Variants in EYS observed in about 807,000 individuals in gnomAD.
EYS encodes EGF-like photoreceptor maintenance factor.
EYS carries 250 observed loss-of-function variants against 282.1 expected under a neutral mutation model. That is an observed-to-expected ratio of 0.89 (90% CI 0.80 to 0.98). EYS has a LOEUF of 0.98. Ranked by LOEUF, EYS falls within the 50% of genes least tolerant of loss-of-function variation. The pLI, the probability that EYS is intolerant of heterozygous loss-of-function variation, is 0.00. For missense variants in EYS, 4,016 were observed against 3,709.0 expected (o/e 1.08, Z -2.15); for synonymous variants, 1,355 against 1,282.9 (o/e 1.06, Z -1.20).
intron 29 of EYS, among the ~76,000 whole-genome samples, chr6:64,387,253 A>G (rs1025787810): frequency 2.6e-5 from 4 of 152,108 alleles, no homozygotes; most frequent in African/African-American, 9.7e-5. Flanking sequence ...TCTTTCTTCA[A>G]ATTTCTAATT....
intron 34 of EYS, among the ~76,000 whole-genome samples, chr6:63,990,778 C>G (rs1767569332): frequency 6.6e-6 from 1 of 151,470 alleles, no homozygotes; most frequent in Non-Finnish European, 1.5e-5. Context: ...GCTGATGGGA[C>G]CTGGCTTACT....
At chr6:64,244,358 T>C (rs571579132) in intron 30 of EYS, among the ~76,000 whole-genome samples, 46 of 152,324 alleles carry the variant, frequency 3.0e-4, no homozygotes, top group Middle Eastern at 3.4e-3. Flanking sequence ...ATTGATTCTG[T>C]TGAAAATTCA....
chr6:65,390,243 T>C (rs1197023068), intron 7 of EYS, among the ~76,000 whole-genome samples: 1 of 150,962 alleles, frequency 6.6e-6, no homozygotes, highest in African/African-American at 2.4e-5. Context: ...ATACCAAAGT[T>C]ATCAAAAAAT....
intron 31 of EYS, among the ~76,000 whole-genome samples, chr6:64,225,672 TC>T (rs1382158599): frequency 1.2e-4 from 18 of 152,226 alleles, no homozygotes; most frequent in African/African-American, 4.1e-4. Flanking sequence ...TGATTTAAGC[TC>T]ACTGAGGATT....
At chr6:63,884,189 GATAAT>G in intron 35 of EYS, among the ~76,000 whole-genome samples, 1 of 152,230 alleles carries the variant, frequency 6.6e-6, no homozygotes, top group South Asian at 2.1e-4. Flanking sequence ...TTCAAGGTGG[GATAAT>G]AGAATATAGA....
chr6:64,668,874 C>G (rs546962386), intron 22 of EYS, among the ~76,000 whole-genome samples: 4 of 151,940 alleles, frequency 2.6e-5, no homozygotes, highest in Non-Finnish European at 4.4e-5. Flanking sequence ...GCCGCTAGTA[C>G]CATAATTCTT....
chr6:64,961,053 C>T lies in EYS; in HGVS notation c.2260-15139G>A, dbSNP rs945369491. The stretch of plus-strand genomic sequence containing the variant: ...CACATTTTCTTTATCCAGTCTATCA[C>T]TGATGGTCATTTAGGTTGATTCCTT... On this transcript the variant is annotated intron_variant, in intron 14 of 42. Coordinates refer to ENST00000503581, the MANE Select transcript of EYS (RefSeq NM_001142800.2). 2.6e-5 allele frequency among the ~76,000 whole-genome samples: 4 copies of T among 152,168 alleles called. No homozygotes were observed. The South Asian group carries it at 6.2e-4, about 24-fold the overall frequency.
intron 36 of EYS, among the ~76,000 whole-genome samples, chr6:63,859,365 A>G (rs1244520934): frequency 6.6e-6 from 1 of 152,066 alleles, no homozygotes; most frequent in African/African-American, 2.4e-5. Flanking sequence ...TCAGCTGGCT[A>G]GTCAGTACTA....
chr6:64,075,811 A>T (rs771116780), intron 32 of EYS, among the ~76,000 whole-genome samples: 7 of 151,996 alleles, frequency 4.6e-5, no homozygotes, highest in Non-Finnish European at 1.0e-4. Flanking sequence ...TCTCTCATTG[A>T]CTTATTTCTT....
intron 5 of EYS, among the ~76,000 whole-genome samples, chr6:65,418,250 A>G (rs1767317677): frequency 6.6e-6 from 1 of 152,090 alleles, no homozygotes; most frequent in African/African-American, 2.4e-5. Context: ...GAGCAACACA[A>G]TCAAAATGAT....
Position 64,590,943 on chromosome 6 carries a change from A to T in EYS, c.4924T>A (p.Ser1642Thr), listed in dbSNP as rs780807578. 1 of 1,551,046 alleles carries T rather than the reference A, an allele frequency of 6.4e-7. No individual in the cohort carries two copies. The highest frequency in any genetic ancestry group is 1.2e-5 in the South Asian group (1 of 84,058). ...SKKSAKRTIL[S>T]SSLEESITLS... Reference sequence around the variant, plus strand: ...GTAATGGATTCTTCCAAGGATGAGGATAAAATTGTTCTTTTTGCACTCTTT... The same window carrying T: ...GTAATGGATTCTTCCAAGGATGAGGTTAAAATTGTTCTTTTTGCACTCTTT... The change falls in exon 26 of 43, where the codon TCC becomes ACC. Residue 1642 changes from serine (S) to threonine (T), a missense_variant. By Grantham distance (58) the Ser-to-Thr change is moderately conservative (BLOSUM62 1). Transcript: ENST00000503581.
At chr6:65,084,458 T>C (rs1476065346) in intron 12 of EYS, among the ~76,000 whole-genome samples, 2 of 152,156 alleles carry the variant, frequency 1.3e-5, no homozygotes. Context: ...AAACAGTAAA[T>C]GCTACTCCAA....
chr6:65,513,610 T>A (rs1766990075), intron 2 of EYS, among the ~76,000 whole-genome samples: 1 of 152,178 alleles, frequency 6.6e-6, no homozygotes, highest in Non-Finnish European at 1.5e-5. Flanking sequence ...GTGGGCTTCA[T>A]CCCTGGGATG....
intron 2 of EYS, among the ~76,000 whole-genome samples, chr6:65,507,122 T>C (rs1046236711): frequency 6.6e-6 from 1 of 151,552 alleles, no homozygotes; most frequent in Non-Finnish European, 1.5e-5. Context: ...TCTGCCTTCA[T>C]TAAAATCTCT....
intron 22 of EYS, among the ~76,000 whole-genome samples, chr6:64,653,538 T>C (rs912828048): frequency 1.3e-5 from 2 of 152,078 alleles, no homozygotes; most frequent in Admixed American, 1.3e-4. Context: ...ATTTCTTCTA[T>C]ATTTTTTGTG....
chr6:65,112,401 C>A (rs555231229), intron 12 of EYS, among the ~76,000 whole-genome samples: 5 of 152,098 alleles, frequency 3.3e-5, no homozygotes, highest in African/African-American at 1.2e-4. Flanking sequence ...TTTCAACTTG[C>A]GACCATGGCC....
chr6:64,394,693 G>A (rs1268436104), intron 28 of EYS, among the ~76,000 whole-genome samples: 1 of 151,748 alleles, frequency 6.6e-6, no homozygotes, highest in Non-Finnish European at 1.5e-5. Context: ...AGAAAACCTG[G>A]GCATTACCAT....
chr6:64,428,940 G>A lies in EYS; in HGVS notation c.5927+7234C>T, dbSNP rs528020854. On this transcript the variant is annotated intron_variant, in intron 28 of 42. Transcript: ENST00000503581. ...AATGCAGCTGCTATGTGCTTCTTTTGGTAACATCTGCCCTTTTTGATCAAA... is the reference window on the plus strand; with the variant it reads ...AATGCAGCTGCTATGTGCTTCTTTTAGTAACATCTGCCCTTTTTGATCAAA... 2.6e-5 allele frequency among the ~76,000 whole-genome samples: 4 copies of A among 152,022 alleles called. No individual in the cohort carries two copies. In the East Asian group the frequency reaches 5.8e-4, roughly 22 times the overall value.
intron 26 of EYS, among the ~76,000 whole-genome samples, chr6:64,526,001 C>T (rs905693293): frequency 1.3e-5 from 2 of 151,618 alleles, no homozygotes; most frequent in Admixed American, 1.3e-4. Flanking sequence ...TATTACTCAA[C>T]AAATAAATGG....
Sources: allele counts gnomAD v4.1 joint callset (sites outside exome capture counted in the v4.1 genomes callset), GRCh38; gene constraint gnomAD v4.1.1; transcripts MANE v1.5; gene names NCBI Gene and HGNC (gene_info 2026-07-23, HGNC 2026-07-21).